MON2: variants seen among roughly 807,000 people sequenced by gnomAD.
MON2 encodes the protein protein MON2 homolog.
In MON2, 84 loss-of-function variants were observed where a neutral mutation model predicts 208.6. The ratio of observed to expected loss-of-function variants is 0.40; its 90% CI spans 0.34 to 0.48. The LOEUF (loss-of-function observed/expected upper bound fraction) is 0.48, where lower values mean the gene tolerates loss of function less well. MON2 is among the 20% of genes least tolerant of loss of function. The pLI is 0.59. For synonymous variants in MON2, 660 were observed against 694.0 expected (o/e 0.95, Z 0.77); for missense variants, 1,611 against 2,015.4 (o/e 0.80, Z 3.84).
At chr12:62,562,439 A>C (rs2074234321) in intron 26 of MON2, among the ~76,000 whole-genome samples, 1 of 152,056 alleles carries the variant, frequency 6.6e-6, no homozygotes, top group Admixed American at 6.6e-5. Flanking sequence ...AAACAGTCTG[A>C]AACTTTGGAA....
rs762506987 is a variant in MON2 at position 62,467,342 on chromosome 12, G to A, written c.111+24G>A. 26 of 1,587,996 alleles carry A rather than the reference G, an allele frequency of 1.6e-5. No homozygotes were observed. In the Middle Eastern group the frequency reaches 8.3e-4, roughly 51 times the overall value. ...AGGTAAGCTTCAGGTGACGTCAGGA[G>A]AAGGCACTGTGAGCATGCCTGGTCC... is the stretch of plus-strand genomic sequence containing the variant. On this transcript the variant is annotated intron_variant, in intron 1 of 34. Transcript: ENST00000393630.
At chr12:62,555,093 G>A (rs140391251) in intron 24 of MON2, among the ~76,000 whole-genome samples, 1 of 152,196 alleles carries the variant, frequency 6.6e-6, no homozygotes, top group African/African-American at 2.4e-5. Context: ...ACTGCGCCTG[G>A]CCAGCTTTGT....
intron 7 of MON2, among the ~76,000 whole-genome samples, chr12:62,507,277 A>G (rs2071154041): frequency 6.6e-6 from 1 of 151,098 alleles, no homozygotes; most frequent in African/African-American, 2.4e-5. Flanking sequence ...GAGTTTGTAT[A>G]GCTTGTTTTC....
At chr12:62,567,716 A>G (rs550923359) in intron 29 of MON2, among the ~76,000 whole-genome samples, 24 of 152,316 alleles carry the variant, frequency 1.6e-4, no homozygotes, top group Non-Finnish European at 3.2e-4. Context: ...GGTGCTAGCA[A>G]TTTTAAAATG....
chr12:62,530,232 T>C (rs2072560948), intron 11 of MON2, among the ~76,000 whole-genome samples: 1 of 148,626 alleles, frequency 6.7e-6, no homozygotes, highest in Admixed American at 6.7e-5. Flanking sequence ...GTATAATTTT[T>C]TTTTTTTTTT....
At chr12:62,525,319 T>C (rs1376690669) in intron 10 of MON2, 99 bp downstream of exon 10, 11 of 1,298,038 alleles carry the variant, frequency 8.5e-6, no homozygotes, top group South Asian at 7.0e-5. Flanking sequence ...CTAGAGAAAT[T>C]TGGGTTACCT....
rs1030447168 is a variant in MON2 at position 62,565,240 on chromosome 12, A to G, written c.4036A>G (p.Ile1346Val). The change falls in exon 27 of 35, where the codon ATT (isoleucine) becomes GTT (valine). Residue 1346 changes from isoleucine (I) to valine (V), a missense_variant. Physicochemically the swap from Ile to Val is conservative, Grantham distance 29. Transcript: ENST00000393630. ...TGTTCTTATTTTGCTTTTATAGGCC[A>G]TTTGTGTAGGACCAGAAAACATGCA... ...LTALDVLQKAICVGPENMQIM... is the reference protein window; with the variant it reads ...LTALDVLQKAVCVGPENMQIM... 20 of 1,612,094 alleles carry G rather than the reference A, an allele frequency of 1.2e-5. No individual in the cohort carries two copies. The highest frequency in any genetic ancestry group is 1.5e-5 in the Non-Finnish European group (18 of 1,179,024).
intron 4 of MON2, among the ~76,000 whole-genome samples, chr12:62,496,606 A>C (rs187527847): frequency 4.6e-5 from 7 of 152,342 alleles, no homozygotes; most frequent in African/African-American, 9.6e-5. Context: ...TTTTGGAAGG[A>C]TAAATAGGAG....
At chr12:62,572,144 G>A (rs963758025) in intron 30 of MON2, among the ~76,000 whole-genome samples, 4 of 152,204 alleles carry the variant, frequency 2.6e-5, no homozygotes, top group African/African-American at 7.2e-5. Context: ...ATCTAGAGTT[G>A]TGCTATTCAG....
chr12:62,484,035 G>C, intron 1 of MON2, 135 bp from the exon 2 acceptor site: 1 of 648,246 alleles, frequency 1.5e-6, no homozygotes, highest in South Asian at 2.0e-5. Flanking sequence ...GTATCTGATG[G>C]TTTGAAAATT....
chr12:62,584,705 CAAA>C (rs1226172058), intron 32 of MON2, among the ~76,000 whole-genome samples: 2 of 71,376 alleles, frequency 2.8e-5, no homozygotes, highest in African/African-American at 6.5e-5. Flanking sequence ...TCTGTCTCAA[CAAA>C]AAAAAAAAAA....
intron 33 of MON2, 21 bp from the exon 34 acceptor site, chr12:62,588,053 G>T (rs1468992531): frequency 6.8e-7 from 1 of 1,470,838 alleles, no homozygotes; most frequent in East Asian, 2.3e-5. Flanking sequence ...TAATGGAAAT[G>T]ATTTCCTATC....
chr12:62,489,584 C>T (rs537534039), intron 2 of MON2, among the ~76,000 whole-genome samples: 15 of 152,128 alleles, frequency 9.9e-5, no homozygotes, highest in South Asian at 4.1e-4. Flanking sequence ...TGACCTTCTC[C>T]TTCTACATAG....
At chr12:62,535,423 A>G (rs2072919844) in intron 13 of MON2, 102 bp from the exon 14 acceptor site, 1 of 887,052 alleles carries the variant, frequency 1.1e-6, no homozygotes, top group Non-Finnish European at 1.6e-6. Flanking sequence ...ATATTTTTGT[A>G]TAGATTTTCT....
intron 1 of MON2, among the ~76,000 whole-genome samples, chr12:62,470,987 G>GCATAACTC (rs2068763289): frequency 6.6e-6 from 1 of 152,212 alleles, no homozygotes; most frequent in African/African-American, 2.4e-5. Flanking sequence ...GACATAGACA[G>GCATAACTC]AAGGTTGCTT....
intron 2 of MON2, among the ~76,000 whole-genome samples, chr12:62,488,741 A>T (rs12146793): frequency 0.3 from 45,063 of 152,024 alleles, 6,783 homozygotes; most frequent in Middle Eastern, 0.35. Flanking sequence ...TCTACAGTAC[A>T]GTGTGCTTTT....
At chr12:62,478,125 G>A (rs1427887783) in intron 1 of MON2, among the ~76,000 whole-genome samples, 1 of 148,872 alleles carries the variant, frequency 6.7e-6, no homozygotes, top group South Asian at 2.1e-4. Context: ...TATAATTTGT[G>A]TGTGTGTGTG....
chr12:62,514,229 G>A (rs941282133), intron 8 of MON2, among the ~76,000 whole-genome samples: 20 of 152,008 alleles, frequency 1.3e-4, no homozygotes, highest in African/African-American at 2.9e-4. Flanking sequence ...CCACATTTTC[G>A]TGTCTTCTTC....
chr12:62,513,742 C>G (rs1434558034), intron 8 of MON2, among the ~76,000 whole-genome samples: 1 of 122,860 alleles, frequency 8.1e-6, no homozygotes, highest in Admixed American at 8.7e-5. Context: ...GTCAGGAGAT[C>G]GAGACCATCG....
Sources: gnomAD v4.1 joint callset for allele counts (sites outside exome capture counted in the v4.1 genomes callset) on GRCh38, gnomAD v4.1.1 for gene constraint, MANE v1.5 for transcripts, NCBI Gene and HGNC (gene_info 2026-07-23, HGNC 2026-07-21) for gene names.